The following SPATA17 variants were observed in gnomAD, a reference collection of about 807,000 sequenced individuals.
SPATA17 encodes spermatogenesis associated 17, also known as spermatogenesis-associated protein 17.
A neutral mutation model predicts 62.2 loss-of-function variants in SPATA17; 53 were observed. That is an observed-to-expected ratio of 0.85 (90% CI 0.68 to 1.07). The LOEUF (loss-of-function observed/expected upper bound fraction) is 1.07, where lower values mean the gene tolerates loss of function less well. Among genes scored for constraint, SPATA17 ranks in the 50% least tolerant of loss-of-function variants. SPATA17 has a pLI of 0.00. For missense variants in SPATA17, 466 were observed against 425.5 expected, an observed-to-expected ratio of 1.10 and a Z score of -0.84; for synonymous variants, 146 against 146.8, an observed-to-expected ratio of 0.99 and a Z score of 0.04.
intron 9 of SPATA17, among the ~76,000 whole-genome samples, chr1:217,836,556 C>T (rs1675263607): frequency 6.6e-6 from 1 of 152,112 alleles, no homozygotes. Context: ...AAAAGAAGTA[C>T]TATGTCCACT....
At chr1:217,671,037 A>G (rs1175447538) in intron 4 of SPATA17, among the ~76,000 whole-genome samples, 3 of 152,184 alleles carry the variant, frequency 2.0e-5, no homozygotes, top group Non-Finnish European at 4.4e-5. Context: ...ATAATTATAA[A>G]AGAAAAAGAA....
intron 6 of SPATA17, among the ~76,000 whole-genome samples, chr1:217,765,820 C>T (rs1673286455): frequency 6.6e-6 from 1 of 152,038 alleles, no homozygotes; most frequent in Non-Finnish European, 1.5e-5. Flanking sequence ...GATTTTACCT[C>T]ACATATTTTG....
chr1:217,811,384 A>C (rs1376593757), intron 9 of SPATA17, among the ~76,000 whole-genome samples: 1 of 152,026 alleles, frequency 6.6e-6, no homozygotes, highest in Admixed American at 6.6e-5. Flanking sequence ...TCCATACAAA[A>C]CCATGTAGAA....
At position 217,801,847 on chromosome 1, in the gene SPATA17, C is replaced by A. The variant is rs1229100176; in HGVS notation, c.1002C>A (p.Asp334Glu). 1 of 1,601,680 alleles carries A rather than the reference C, an allele frequency of 6.2e-7. No individual in the cohort carries two copies. The highest frequency in any genetic ancestry group is 1.3e-5 in the African/African-American group (1 of 74,152). Residue 334 changes from aspartate to glutamate, a missense_variant, in exon 9 of 11, where the codon GAC becomes GAA. Asp to Glu is a conservative substitution (Grantham distance 45). Coordinates refer to ENST00000366933, the MANE Select transcript of SPATA17 (RefSeq NM_138796.4). ...AAAATCCTAAGAAATGGATCTGTGACAAGGTGAGTTAACAAAACATTTTAA... is the reference window on the plus strand; with the variant it reads ...AAAATCCTAAGAAATGGATCTGTGAAAAGGTGAGTTAACAAAACATTTTAA... ...RSENPKKWIC[D>E]KDFQTVLPSF...
At chr1:217,814,587 C>T (rs1674669390) in intron 9 of SPATA17, among the ~76,000 whole-genome samples, 2 of 152,130 alleles carry the variant, frequency 1.3e-5, no homozygotes, top group African/African-American at 4.8e-5. Context: ...ATGGCTCACT[C>T]CTGTAATCCC....
At chr1:217,804,015 C>A in intron 9 of SPATA17, among the ~76,000 whole-genome samples, 1 of 148,470 alleles carries the variant, frequency 6.7e-6, no homozygotes, top group African/African-American at 2.5e-5. Context: ...AAGACTGTCT[C>A]AAAAGAGGAA....
intron 5 of SPATA17, among the ~76,000 whole-genome samples, chr1:217,733,517 T>C (rs894339867): frequency 3.2e-4 from 48 of 152,334 alleles, no homozygotes; most frequent in African/African-American, 1.1e-3. Context: ...TACGTATGTA[T>C]TTTTTTCACT....
chr1:217,727,601 ATAGT>A lies in SPATA17; in HGVS notation c.396-14371_396-14368del, dbSNP rs529750246. On this transcript the variant is annotated intron_variant, in intron 5 of 10. Transcript: ENST00000366933. ...ATTCTAAATTTGGAGGAATATTTGA[ATAGT>A]TAAAGAGTCTGATTCTCTTAAAATG... is the stretch of plus-strand genomic sequence containing the variant. 7.2e-5 allele frequency among the ~76,000 whole-genome samples: 11 copies of A among 152,304 alleles called. No homozygotes were observed. In the East Asian group the frequency reaches 7.7e-4, roughly 11 times the overall value.
intron 5 of SPATA17, among the ~76,000 whole-genome samples, chr1:217,690,915 G>A (rs1433818890): frequency 6.8e-6 from 1 of 146,542 alleles, no homozygotes; most frequent in Non-Finnish European, 1.5e-5. Context: ...TTGGTTCCAA[G>A]TCTTTGCTAT....
In SPATA17 at chr1:217,787,551, TA is replaced by T. The variant is rs1571805996; in HGVS notation, c.872+5236del. On this transcript the variant is annotated intron_variant, in intron 8 of 10. Transcript: ENST00000366933. ...ATTTATGAATCTCCTCAAATCCATT[TA>T]AAAAAATAAAGAAGAATTTTTGTTT... is the stretch of plus-strand genomic sequence containing the variant. 2.6e-5 allele frequency among the ~76,000 whole-genome samples: 4 copies of T among 152,254 alleles called. 1 individual carries two copies. In the East Asian group the frequency reaches 5.8e-4, roughly 22 times the overall value.
chr1:217,705,356 C>G (rs900141506), intron 5 of SPATA17, among the ~76,000 whole-genome samples: 1 of 137,176 alleles, frequency 7.3e-6, no homozygotes, highest in South Asian at 2.2e-4. Context: ...TGTAGGTTGT[C>G]TCTTTACTGT....
At chr1:217,651,673 A>T (rs1425981724) in intron 3 of SPATA17, among the ~76,000 whole-genome samples, 3 of 152,214 alleles carry the variant, frequency 2.0e-5, no homozygotes, top group Admixed American at 6.5e-5. Flanking sequence ...AATAAGGTTT[A>T]AATAATTTAA....
intron 9 of SPATA17, among the ~76,000 whole-genome samples, chr1:217,832,968 T>A (rs1224537279): frequency 6.6e-6 from 1 of 152,028 alleles, no homozygotes; most frequent in Non-Finnish European, 1.5e-5. Flanking sequence ...AAGTTTACTT[T>A]CAAAAAAGCT....
chr1:217,669,973 C>G (rs1405532394), intron 4 of SPATA17, among the ~76,000 whole-genome samples: 3 of 152,088 alleles, frequency 2.0e-5, no homozygotes. Flanking sequence ...TCTGCTTGTT[C>G]TCCTGGAGTT....
intron 4 of SPATA17, among the ~76,000 whole-genome samples, chr1:217,680,922 T>TAAAAAA (rs71166016): frequency 1.7e-5 from 1 of 58,150 alleles, no homozygotes; most frequent in Non-Finnish European, 3.1e-5. Flanking sequence ...GAGACTCTGT[T>TAAAAAA]AAAAAAAAAA....
At chr1:217,845,171 G>T (rs1436425446) in intron 9 of SPATA17, among the ~76,000 whole-genome samples, 1 of 151,812 alleles carries the variant, frequency 6.6e-6, no homozygotes, top group Non-Finnish European at 1.5e-5. Context: ...TTTTCTTTAG[G>T]TTCCTGCAGA....
intron 1 of SPATA17, among the ~76,000 whole-genome samples, chr1:217,637,727 G>C (rs1385704751): frequency 2.6e-5 from 4 of 152,094 alleles, no homozygotes; most frequent in African/African-American, 9.7e-5. Flanking sequence ...ATAGATGTGA[G>C]TCCCTTCCCC....
chr1:217,651,258 T>C, intron 3 of SPATA17, 80 bp downstream of exon 3: 2 of 1,182,770 alleles, frequency 1.7e-6, no homozygotes, highest in Non-Finnish European at 1.2e-6. Context: ...TATTTCCATA[T>C]AGTTTGGAAA....
chr1:217,731,295 G>A (rs1672398261), intron 5 of SPATA17, among the ~76,000 whole-genome samples: 1 of 151,456 alleles, frequency 6.6e-6, no homozygotes, highest in Non-Finnish European at 1.5e-5. Flanking sequence ...TTCTTCCACC[G>A]AGACCTCTAT....
Sources: allele counts gnomAD v4.1 joint callset (sites outside exome capture counted in the v4.1 genomes callset), GRCh38; gene constraint gnomAD v4.1.1; transcripts MANE v1.5; gene names NCBI Gene and HGNC (gene_info 2026-07-23, HGNC 2026-07-21).